Variants in DST observed in about 807,000 individuals in gnomAD.
The protein encoded by DST is bullous pemphigoid antigen.
DST carries 253 observed loss-of-function variants against 875.2 expected under a neutral mutation model. That is an observed-to-expected ratio of 0.29 (90% CI 0.26 to 0.32). The LOEUF (loss-of-function observed/expected upper bound fraction) is 0.32. DST is among the 10% of genes least tolerant of loss of function. DST has a pLI of 1.00. For missense variants in DST, 8,287 were observed against 9,111.6 expected (o/e 0.91, Z 3.68); for synonymous variants, 3,124 against 3,197.1 (o/e 0.98, Z 0.77).
Position 56,477,439 on chromosome 6 carries a change from G to C in DST, c.21581C>G (p.Thr7194Ser), listed in dbSNP as rs1279544374. The C allele has an allele frequency of 6.2e-7, 1 of 1,613,940 alleles. No individual in the cohort carries two copies. The highest frequency in any genetic ancestry group is 8.5e-7 in the Non-Finnish European group (1 of 1,179,880). Reference sequence around the variant, plus strand: ...AGCCAAAACGGTGTCGCCCATAGTGGTGGCTTTATTTAGTTCAGCTCTCTT... The same window carrying C: ...AGCCAAAACGGTGTCGCCCATAGTGCTGGCTTTATTTAGTTCAGCTCTCTT... The part of the protein sequence containing the change: ...EEKRAELNKA[T>S]TMGDTVLAIC... The change falls in exon 91 of 104, where the codon ACC becomes AGC. Residue 7194 changes from threonine to serine, a missense_variant. Coordinates refer to ENST00000680361, the MANE Select transcript of DST (RefSeq NM_001374736.1).
chr6:56,594,337 T>C, intron 47 of DST, 144 bp from the exon 48 acceptor site: 1 of 579,478 alleles, frequency 1.7e-6, no homozygotes, highest in East Asian at 2.8e-5. Flanking sequence ...AGCTATACCG[T>C]ACTCCCTTTT....
chr6:56,906,707 T>TAG (rs377054945), intron 2 of DST, among the ~76,000 whole-genome samples: 65 of 152,150 alleles, frequency 4.3e-4, no homozygotes, highest in African/African-American at 1.5e-3. Flanking sequence ...TCTCTCTCAC[T>TAG]AGAGAGAGAG....
At position 56,593,793 on chromosome 6, in the gene DST, T is replaced by G; in HGVS notation, c.12596A>C (p.Asn4199Thr). ...AGATTTGGCAGCTTCCAACACTCTG[T>G]TTCCAGAAATTGTGATGTATCTCAA... ...GDLRYITISG[N>T]RVLEAAKSCS... The change falls in exon 48 of 104, where the codon AAC becomes ACC. Residue 4199 changes from asparagine (N) to threonine (T), a missense_variant. Asn to Thr is a moderately conservative substitution (Grantham distance 65). This residue lies in a region of DST where 1,513 missense variants were observed against 1,677.8 expected (regional missense o/e 0.90). Coordinates refer to ENST00000680361, the MANE Select transcript of DST (RefSeq NM_001374736.1). 2.5e-6 allele frequency: 4 copies of G among 1,613,960 alleles called. No individual in the cohort carries two copies. Among genetic ancestry groups the G allele is most frequent in the Non-Finnish European group, 3.4e-6 (4 of 1,179,878 alleles).
At chr6:56,583,595 G>C (rs1461656980) in intron 49 of DST, among the ~76,000 whole-genome samples, 2 of 152,096 alleles carry the variant, frequency 1.3e-5, no homozygotes, top group Non-Finnish European at 2.9e-5. Flanking sequence ...AAGCTCTTTA[G>C]TTTAATTAGA....
intron 2 of DST, among the ~76,000 whole-genome samples, chr6:56,928,017 T>C (rs1447972484): frequency 6.6e-6 from 1 of 152,070 alleles, no homozygotes; most frequent in Non-Finnish European, 1.5e-5. Context: ...GGGGCACTGC[T>C]CAGCTGCTCA....
intron 2 of DST, among the ~76,000 whole-genome samples, chr6:56,912,216 G>A (rs1799068730): frequency 6.6e-6 from 1 of 152,150 alleles, no homozygotes; most frequent in Admixed American, 6.5e-5. Flanking sequence ...ACAGTCTCTG[G>A]CCCTTTGGAA....
intron 3 of DST, among the ~76,000 whole-genome samples, chr6:56,867,649 G>A (rs186999729): frequency 2.6e-4 from 40 of 152,116 alleles, no homozygotes; most frequent in Middle Eastern, 6.8e-3. Context: ...GTGAAACCCC[G>A]TCTCTACTAA....
intron 4 of DST, among the ~76,000 whole-genome samples, chr6:56,816,941 C>T (rs888247596): frequency 4.6e-5 from 7 of 151,612 alleles, no homozygotes; most frequent in Non-Finnish European, 2.9e-5. Flanking sequence ...ATAGTCTCTG[C>T]TAGATTATAA....
At chr6:56,920,923 T>TC (rs1554259882) in intron 2 of DST, among the ~76,000 whole-genome samples, 13 of 141,326 alleles carry the variant, frequency 9.2e-5, no homozygotes, top group African/African-American at 2.6e-4. Context: ...TTTTTTTTTT[T>TC]CACAGAGACA....
chr6:56,907,293 CAA>C (rs1475770679), intron 2 of DST, among the ~76,000 whole-genome samples: 3 of 152,156 alleles, frequency 2.0e-5, no homozygotes, highest in Non-Finnish European at 4.4e-5. Flanking sequence ...TACCTACAAA[CAA>C]AAATCTGTAA....
intron 4 of DST, among the ~76,000 whole-genome samples, chr6:56,820,327 G>A (rs1290769714): frequency 6.6e-6 from 1 of 152,222 alleles, no homozygotes; most frequent in Non-Finnish European, 1.5e-5. Context: ...TAGTATGCTA[G>A]AGCCAACTCA....
At chr6:56,778,099 C>G (rs530191703) in intron 4 of DST, among the ~76,000 whole-genome samples, 2 of 152,180 alleles carry the variant, frequency 1.3e-5, no homozygotes, top group African/African-American at 4.8e-5. Flanking sequence ...TATTATATCA[C>G]GTATAAGCAC....
At chr6:56,926,022 G>A (rs1806896864) in intron 2 of DST, among the ~76,000 whole-genome samples, 1 of 152,140 alleles carries the variant, frequency 6.6e-6, no homozygotes, top group Non-Finnish European at 1.5e-5. Context: ...CGAGTAAGCA[G>A]ATGTAGAAAG....
chr6:56,655,160 C>CAAAAA (rs11365303), intron 10 of DST, among the ~76,000 whole-genome samples: 8 of 57,344 alleles, frequency 1.4e-4, no homozygotes, highest in Admixed American at 2.0e-4. Context: ...GACTTTGCCT[C>CAAAAA]AAAAAAAAAA....
chr6:56,736,933 G>C (rs982789317), intron 4 of DST, among the ~76,000 whole-genome samples: 1 of 152,078 alleles, frequency 6.6e-6, no homozygotes, highest in African/African-American at 2.4e-5. Context: ...CAGCCCTTCG[G>C]GAGGCCAATG....
intron 49 of DST, among the ~76,000 whole-genome samples, chr6:56,586,881 A>C (rs977186096): frequency 6.6e-6 from 1 of 152,212 alleles, no homozygotes; most frequent in Non-Finnish European, 1.5e-5. Flanking sequence ...TAACAAACAG[A>C]AAGGACATCC....
At chr6:56,618,109 G>T (rs575407836) in intron 36 of DST, 1 of 1,614,116 alleles carries the variant, frequency 6.2e-7, no homozygotes, top group African/African-American at 1.3e-5. Context: ...GTCTTGTAAT[G>T]GGGTTTGTCT....
intron 2 of DST, among the ~76,000 whole-genome samples, chr6:56,939,493 G>A (rs1032611783): frequency 1.3e-5 from 2 of 152,056 alleles, no homozygotes; most frequent in Non-Finnish European, 2.9e-5. Flanking sequence ...GGATGGATAC[G>A]TGAATGAACA....
chr6:56,498,668 T>C (rs577176750), intron 80 of DST, among the ~76,000 whole-genome samples: 3 of 152,136 alleles, frequency 2.0e-5, no homozygotes, highest in African/African-American at 4.8e-5. Flanking sequence ...TTTTCAAATA[T>C]AAAATTATCA....
Sources: gnomAD v4.1 joint callset for allele counts (sites outside exome capture counted in the v4.1 genomes callset) on GRCh38, gnomAD v4.1.1 for gene constraint, gnomAD v4.1.1 regional missense constraint, MANE v1.5 for transcripts, NCBI Gene and HGNC (gene_info 2026-07-23, HGNC 2026-07-21) for gene names.